ZNF333: variants seen among roughly 807,000 people sequenced by gnomAD.
ZNF333 encodes zinc finger protein 333.
ZNF333 carries 61 observed loss-of-function variants against 76.1 expected under a neutral mutation model. The ratio of observed to expected loss-of-function variants is 0.80; its 90% CI spans 0.65 to 0.99. ZNF333 has a LOEUF of 0.99. Among genes scored for constraint, ZNF333 ranks in the 50% least tolerant of loss-of-function variants. The pLI is 0.00. For synonymous variants in ZNF333, 284 were observed against 305.0 expected, an observed-to-expected ratio of 0.93 and a Z score of 0.72; for missense variants, 717 against 822.4, an observed-to-expected ratio of 0.87 and a Z score of 1.57.
intron 11 of ZNF333, among the ~76,000 whole-genome samples, chr19:14,730,937 G>T (rs2147051375): frequency 6.6e-6 from 1 of 151,924 alleles, no homozygotes; most frequent in African/African-American, 2.4e-5. Context: ...ATTCACTTAG[G>T]ATGATGGTTC....
intron 7 of ZNF333, among the ~76,000 whole-genome samples, chr19:14,714,508 C>T (rs1458714915): frequency 1.3e-5 from 2 of 152,172 alleles, no homozygotes; most frequent in Non-Finnish European, 2.9e-5. Flanking sequence ...CCCTGCTGAG[C>T]TTAACTTTGG....
intron 5 of ZNF333, 69 bp downstream of exon 5, chr19:14,699,350 C>T (rs2146963269): frequency 1.2e-5 from 16 of 1,364,328 alleles, no homozygotes; most frequent in Non-Finnish European, 1.6e-5. Flanking sequence ...GGTGGAAATA[C>T]AGGACCAGAG....
rs974150600 is a variant in ZNF333, at chr19:14,701,584, G to A, written c.306+2303G>A. Reference sequence around the variant, plus strand: ...CCTCCATGTCTCTCTTGCTCAGCAGGTGGACCCCATGTGAAGAAAGGAGAG... The same window carrying A: ...CCTCCATGTCTCTCTTGCTCAGCAGATGGACCCCATGTGAAGAAAGGAGAG... On this transcript the variant is annotated intron_variant, in intron 5 of 11. Coordinates refer to ENST00000292530, the MANE Select transcript of ZNF333 (RefSeq NM_032433.4). 5 of 985,442 alleles carry A rather than the reference G, an allele frequency of 5.1e-6. No homozygotes were observed. The East Asian group carries it at 3.4e-4, about 67-fold the overall frequency. 61.0% of individuals were successfully genotyped at this position (985,442 alleles called of 1,614,324 possible).
At chr19:14,709,611 G>A (rs2042219878) in intron 7 of ZNF333, among the ~76,000 whole-genome samples, 2 of 152,220 alleles carry the variant, frequency 1.3e-5, no homozygotes, top group Admixed American at 6.5e-5. Context: ...CTCTAAGGAG[G>A]TGATAAAGGT....
chr19:14,714,482 G>T (rs1025699578), intron 7 of ZNF333, among the ~76,000 whole-genome samples: 1 of 152,204 alleles, frequency 6.6e-6, no homozygotes. Flanking sequence ...TTCTCAGAGC[G>T]TCAGAGGAGG....
chr19:14,706,340 C>T (rs545057546), intron 6 of ZNF333: 11 of 385,178 alleles, frequency 2.9e-5, no homozygotes, highest in Non-Finnish European at 4.0e-5. Context: ...TCCGCATTCA[C>T]GCAGGTCCAC....
At chr19:14,692,721 C>T (rs1972864197) in intron 1 of ZNF333, among the ~76,000 whole-genome samples, 1 of 151,244 alleles carries the variant, frequency 6.6e-6, no homozygotes, top group Non-Finnish European at 1.5e-5. Flanking sequence ...CCATGTTGGC[C>T]AGGCTGGTCT....
rs550799594 is a variant in ZNF333 at position 14,692,502 on chromosome 19, G to C, written c.-41-949G>C. On this transcript the variant is annotated intron_variant, in intron 1 of 11. Coordinates refer to ENST00000292530, the MANE Select transcript of ZNF333 (RefSeq NM_032433.4). ...GTCCCTGAAGATCATGGTTAGCATT[G>C]GATCTTCTTTTTATTTATTTTTTTT... 2.8e-5 allele frequency among the ~76,000 whole-genome samples: 4 copies of C among 142,158 alleles called. No individual in the cohort carries two copies. In the South Asian group the frequency reaches 9.9e-4, roughly 35 times the overall value. 93.3% of individuals were successfully genotyped at this position (142,158 alleles called of 152,430 possible). A position where few individuals can be genotyped will look rare whatever the true frequency, so the allele number is the denominator to read the frequency against.
Position 14,720,673 on chromosome 19 carries a change from A to G in ZNF333, c.*1348A>G. 1.0e-6 allele frequency: 1 copy of G among 985,408 alleles called. No individual in the cohort carries two copies. The highest frequency in any genetic ancestry group is 1.2e-6 in the Non-Finnish European group (1 of 829,916). The allele number at this position is 985,408 out of a possible 1,614,324, so 61.0% of individuals were successfully genotyped here. ...AATTCCTAACTGATGCACTTAGTAT[A>G]TGTCAGTTTTTATAAATGCTTCATG... On this transcript the variant is annotated 3_prime_UTR_variant, in exon 12 of 12. Transcript: ENST00000292530.
chr19:14,729,607 C>G (rs1293235076), intron 11 of ZNF333, among the ~76,000 whole-genome samples: 2 of 152,144 alleles, frequency 1.3e-5, no homozygotes, highest in Non-Finnish European at 2.9e-5. Flanking sequence ...CCCACCCCAG[C>G]CTCCCAAAGT....
At chr19:14,726,870 C>T (rs979583583), downstream of ZNF333, among the ~76,000 whole-genome samples, 5 of 152,130 alleles carry the variant, frequency 3.3e-5, no homozygotes, top group Non-Finnish European at 7.4e-5. Flanking sequence ...CTCTCATATT[C>T]CTTCTTCCTT....
intron 1 of ZNF333, among the ~76,000 whole-genome samples, chr19:14,691,519 G>A (rs1263642390): frequency 2.0e-5 from 3 of 152,094 alleles, no homozygotes; most frequent in Admixed American, 6.6e-5. Context: ...TTACGAGTGA[G>A]GTGTTTGTTT....
chr19:14,706,250 G>A (rs4808319), intron 6 of ZNF333: 261,241 of 445,442 alleles, frequency 0.59, 78,711 homozygotes, highest in East Asian at 0.75. Context: ...TTTCCTGAGC[G>A]AGCAGCTGCC....
intron 6 of ZNF333, 71 bp downstream of exon 6, chr19:14,705,241 T>A: frequency 1.4e-6 from 2 of 1,390,544 alleles, no homozygotes; most frequent in Non-Finnish European, 2.0e-6. Context: ...GGGTTGTCTG[T>A]AAATTGGGGG....
rs945751462 is a variant in ZNF333, at chr19:14,720,355, T to C, written c.*1030T>C. The C allele has an allele frequency of 1.0e-6, 1 of 985,302 alleles. No individual in the cohort carries two copies. The highest frequency in any genetic ancestry group is 1.2e-6 in the Non-Finnish European group (1 of 829,948). 61.0% of individuals were successfully genotyped at this position (985,302 alleles called of 1,614,324 possible). On this transcript the variant is annotated 3_prime_UTR_variant, in exon 12 of 12. Coordinates refer to ENST00000292530, the MANE Select transcript of ZNF333 (RefSeq NM_032433.4). The stretch of plus-strand genomic sequence containing the variant: ...TCATGTAGCCACATCTCTCCACTTC[T>C]TGCCTTTTGGACAAGTAGACATGAT...
Position 14,719,614 on chromosome 19 carries a change from A to G in ZNF333, c.*289A>G, listed in dbSNP as rs2042544996. Reference sequence around the variant, plus strand: ...GACAGATGCATACATGCATGTAACCACCACCCCATTCCAGATATAGAATGT... The same window carrying G: ...GACAGATGCATACATGCATGTAACCGCCACCCCATTCCAGATATAGAATGT... On this transcript the variant is annotated 3_prime_UTR_variant, in exon 12 of 12. Coordinates refer to ENST00000292530, the MANE Select transcript of ZNF333 (RefSeq NM_032433.4). 1 of 1,149,230 alleles carries G rather than the reference A, an allele frequency of 8.7e-7. No individual in the cohort carries two copies. Among genetic ancestry groups the G allele is most frequent in the African/African-American group, 1.6e-5 (1 of 62,178 alleles). The allele number at this position is 1,149,230 out of a possible 1,614,324, so 71.2% of individuals were successfully genotyped here.
At chr19:14,693,182 C>A (rs1972901654) in intron 1 of ZNF333, among the ~76,000 whole-genome samples, 2 of 152,098 alleles carry the variant, frequency 1.3e-5, no homozygotes. Flanking sequence ...TCAAATCACA[C>A]CTTCATATGG....
Position 14,719,362 on chromosome 19 carries a change from G to T in ZNF333, c.*37G>T. On this transcript the variant is annotated 3_prime_UTR_variant, in exon 12 of 12. Transcript: ENST00000292530. ...TAAAAATATAAACACATGGGGCTAT[G>T]ACTTTCCCTCGTAATACTCCTTTAG... 2 of 1,545,458 alleles carry T rather than the reference G, an allele frequency of 1.3e-6. No homozygotes were observed. Among genetic ancestry groups the T allele is most frequent in the South Asian group, 2.5e-5 (2 of 80,286 alleles).
intron 7 of ZNF333, among the ~76,000 whole-genome samples, chr19:14,714,351 A>G (rs1383448737): frequency 6.6e-6 from 1 of 152,128 alleles, no homozygotes; most frequent in Non-Finnish European, 1.5e-5. Flanking sequence ...GTGAAGACAG[A>G]CACGCAGGGA....
Sources: gnomAD v4.1 joint callset for allele counts (sites outside exome capture counted in the v4.1 genomes callset) on GRCh38, gnomAD v4.1.1 for gene constraint, MANE v1.5 for transcripts, NCBI Gene and HGNC (gene_info 2026-07-23, HGNC 2026-07-21) for gene names.